FRMD8: variants seen among roughly 807,000 people sequenced by gnomAD.
The protein encoded by FRMD8 is FERM domain-containing protein 8.
A neutral mutation model predicts 54.2 loss-of-function variants in FRMD8; 37 were observed. The observed-to-expected ratio is 0.68, with a 90% CI of 0.53 to 0.90. The LOEUF (loss-of-function observed/expected upper bound fraction) is 0.90. FRMD8 is among the 40% of genes least tolerant of loss of function. The probability of loss-of-function intolerance (pLI) is 0.00; values close to 1 mark genes in which losing one functional copy is unlikely to be tolerated. For synonymous variants in FRMD8, 246 were observed against 286.9 expected, an observed-to-expected ratio of 0.86 and a Z score of 1.44; for missense variants, 585 against 653.7, an observed-to-expected ratio of 0.89 and a Z score of 1.15.
At chr11:65,394,221 C>T (rs757760167) in intron 5 of FRMD8, 38 bp from the exon 6 acceptor site, 49 of 1,593,534 alleles carry the variant, frequency 3.1e-5, no homozygotes, top group Non-Finnish European at 3.8e-5. Flanking sequence ...CCTGCCCCAG[C>T]CCAGCTGAGC....
At chr11:65,376,341 C>A in the FRMD8 span, 1 of 1,565,516 alleles carries the variant, frequency 6.4e-7, no homozygotes, top group Non-Finnish European at 8.7e-7. Flanking sequence ...TTCAACCTGG[C>A]CTCCAATCTC....
intron 10 of FRMD8, among the ~76,000 whole-genome samples, chr11:65,406,948 T>A: frequency 6.6e-6 from 1 of 151,752 alleles, no homozygotes; most frequent in Non-Finnish European, 1.5e-5. Context: ...CTCAAATAAA[T>A]AAATAAATAA....
chr11:65,381,233 G>A, the FRMD8 span: 1 of 152,630 alleles, frequency 6.6e-6, no homozygotes, highest in Non-Finnish European at 1.5e-5. Flanking sequence ...TGAGCTTAAG[G>A]GCTCCTTCCA....
chr11:65,403,272 T>A (rs979114894), intron 9 of FRMD8, among the ~76,000 whole-genome samples: 1 of 152,198 alleles, frequency 6.6e-6, no homozygotes, highest in Non-Finnish European at 1.5e-5. Context: ...AACCTCCGCC[T>A]CCTAGGTTCA....
intron 3 of FRMD8, 101 bp downstream of exon 3, chr11:65,389,629 C>A: frequency 1.6e-6 from 2 of 1,225,122 alleles, no homozygotes; most frequent in Non-Finnish European, 2.2e-6. Flanking sequence ...GAGCCGCTGG[C>A]CACTGCCCAT....
chr11:65,405,092 GCA>G, intron 10 of FRMD8, 24 bp downstream of exon 10: 1 of 1,609,524 alleles, frequency 6.2e-7, no homozygotes, highest in Non-Finnish European at 8.5e-7. Context: ...CTGTGCATGT[GCA>G]CACACAAACA....
chr11:65,393,873 G>A lies in FRMD8; in HGVS notation c.356-168G>A. The A allele has an allele frequency of 3.7e-6, 3 of 804,056 alleles. No individual in the cohort carries two copies. In the South Asian group the frequency reaches 5.0e-5, roughly 13 times the overall value. The allele number at this position is 804,056 out of a possible 1,614,324, so 49.8% of individuals were successfully genotyped here. A position where few individuals can be genotyped will look rare whatever the true frequency, so the allele number is the denominator to read the frequency against. On this transcript the variant is annotated intron_variant, in intron 4 of 10. Transcript: ENST00000317568. ...GAAGCCCCATTGGGGGATGGGCTGGGAGCCACCGGGGCACGTTGGGATGAG... is the reference window on the plus strand; with the variant it reads ...GAAGCCCCATTGGGGGATGGGCTGGAAGCCACCGGGGCACGTTGGGATGAG...
chr11:65,386,029 C>G (rs1393060615), upstream of FRMD8, among the ~76,000 whole-genome samples: 3 of 151,950 alleles, frequency 2.0e-5, no homozygotes, highest in Non-Finnish European at 4.4e-5. Flanking sequence ...ATCTCCTGAC[C>G]TCGTGATCCG....
intron 2 of FRMD8, among the ~76,000 whole-genome samples, chr11:65,388,338 G>A (rs1180146841): frequency 6.6e-6 from 1 of 152,140 alleles, no homozygotes; most frequent in Non-Finnish European, 1.5e-5. Flanking sequence ...GAGCCTCCTC[G>A]AAGTGATTTT....
At chr11:65,411,119 G>T (rs1856319934) in intron 10 of FRMD8, 123 bp from the exon 11 acceptor site, 2 of 707,630 alleles carry the variant, frequency 2.8e-6, no homozygotes, top group African/African-American at 1.8e-5. Context: ...GATGAGGGGA[G>T]CTCAGTCTGA....
At chr11:65,405,663 C>A (rs985135515) in intron 10 of FRMD8, among the ~76,000 whole-genome samples, 3 of 152,022 alleles carry the variant, frequency 2.0e-5, no homozygotes, top group East Asian at 1.9e-4. Context: ...GGGTAAATCA[C>A]TGCTGTGACC....
At chr11:65,410,741 G>C (rs1856311734) in intron 10 of FRMD8, among the ~76,000 whole-genome samples, 1 of 152,128 alleles carries the variant, frequency 6.6e-6, no homozygotes, top group Non-Finnish European at 1.5e-5. Flanking sequence ...AGTGAGCCGA[G>C]ATAGTGCCAC....
chr11:65,370,430 G>A, the FRMD8 span, among the ~76,000 whole-genome samples: 3 of 146,408 alleles, frequency 2.0e-5, no homozygotes, highest in Non-Finnish European at 4.6e-5. Flanking sequence ...GGCCAGGCGC[G>A]GTGGCTCACG....
intron 7 of FRMD8, among the ~76,000 whole-genome samples, chr11:65,397,823 T>C (rs1040936378): frequency 4.0e-5 from 6 of 151,750 alleles, no homozygotes; most frequent in Non-Finnish European, 8.8e-5. Context: ...GCAAGCCTCC[T>C]GAGTCGCTGG....
the FRMD8 span, chr11:65,381,051 A>T: frequency 6.5e-6 from 1 of 154,776 alleles, no homozygotes; most frequent in Non-Finnish European, 1.4e-5. Context: ...GCACCCTCCC[A>T]CCTGTGCCTT....
At position 65,386,765 on chromosome 11, in the gene FRMD8, A is replaced by G. The variant is rs1234282161; in HGVS notation, c.-1+4A>G. 1 of 483,674 alleles carries G rather than the reference A, an allele frequency of 2.1e-6. No individual in the cohort carries two copies. The highest frequency in any genetic ancestry group is 3.6e-6 in the Non-Finnish European group (1 of 274,038). 30.0% of individuals were successfully genotyped at this position (483,674 alleles called of 1,614,324 possible). On this transcript the variant is annotated splice_donor_region_variant and intron_variant, in intron 1 of 10. Coordinates refer to ENST00000317568, the MANE Select transcript of FRMD8 (RefSeq NM_031904.5). ...GCGGGCTCTGCGACCCTGCGAGGTG[A>G]GAGCACAGCGACGTCTGGCCCGGGC...
the FRMD8 span, chr11:65,380,092 G>A: frequency 6.2e-7 from 1 of 1,601,454 alleles, no homozygotes; most frequent in Non-Finnish European, 8.6e-7. Flanking sequence ...TTTGGGTCAG[G>A]TGAGATCTTT....
chr11:65,376,988 C>T, the FRMD8 span: 6 of 1,613,306 alleles, frequency 3.7e-6, no homozygotes, highest in East Asian at 6.7e-5. Context: ...CCCCTGGTAC[C>T]GGGGTGGGGG....
In FRMD8 at chr11:65,386,745, C is replaced by G; in HGVS notation, c.-17C>G. On this transcript the variant is annotated 5_prime_UTR_variant, in exon 1 of 11. Transcript: ENST00000317568. The stretch of plus-strand genomic sequence containing the variant: ...GGAGCCTTGCCTCTCAGGTGGCGGG[C>G]TCTGCGACCCTGCGAGGTGAGAGCA... 2.4e-6 allele frequency: 1 copy of G among 424,522 alleles called. No individual in the cohort carries two copies. The highest frequency in any genetic ancestry group is 4.2e-6 in the Non-Finnish European group (1 of 238,378). The allele number at this position is 424,522 out of a possible 1,614,324, so 26.3% of individuals were successfully genotyped here.
Sources: allele counts gnomAD v4.1 joint callset (sites outside exome capture counted in the v4.1 genomes callset), GRCh38; gene constraint gnomAD v4.1.1; transcripts MANE v1.5; gene names NCBI Gene and HGNC (gene_info 2026-07-23, HGNC 2026-07-21).